The following KIAA0232 variants were observed in gnomAD, a reference collection of about 807,000 sequenced individuals.
KIAA0232 encodes the protein uncharacterized protein KIAA0232.
In KIAA0232, 27 loss-of-function variants were observed where a neutral mutation model predicts 122.0. The ratio of observed to expected loss-of-function variants is 0.22; its 90% CI spans 0.16 to 0.31. KIAA0232 has a LOEUF of 0.31. Among genes scored for constraint, KIAA0232 ranks in the 10% least tolerant of loss-of-function variants. KIAA0232 has a pLI of 1.00. For missense variants in KIAA0232, 1,551 were observed against 1,634.2 expected, an observed-to-expected ratio of 0.95 and a Z score of 0.88; for synonymous variants, 613 against 587.6, an observed-to-expected ratio of 1.04 and a Z score of -0.63.
chr4:6,872,955 T>G (rs550908093), intron 8 of KIAA0232, among the ~76,000 whole-genome samples: 1 of 152,346 alleles, frequency 6.6e-6, no homozygotes, highest in South Asian at 2.1e-4. Flanking sequence ...CCCAGGACCC[T>G]GCCTTCCTCC....
intron 1 of KIAA0232, among the ~76,000 whole-genome samples, chr4:6,784,467 T>A (rs1716522490): frequency 6.6e-6 from 1 of 152,166 alleles, no homozygotes; most frequent in Non-Finnish European, 1.5e-5. Context: ...TCTATCACTC[T>A]GCATCCTCAA....
At chr4:6,808,410 A>G (rs957478601) in intron 2 of KIAA0232, among the ~76,000 whole-genome samples, 13 of 149,966 alleles carry the variant, frequency 8.7e-5, no homozygotes, top group Non-Finnish European at 1.8e-4. Flanking sequence ...GTGAGTATGA[A>G]CTTTGTAGTG....
At chr4:6,810,171 C>T (rs1717812877) in intron 2 of KIAA0232, among the ~76,000 whole-genome samples, 1 of 152,192 alleles carries the variant, frequency 6.6e-6, no homozygotes, top group Non-Finnish European at 1.5e-5. Context: ...TACCTGACTT[C>T]AAATTATATT....
At position 6,871,702 on chromosome 4, in the gene KIAA0232, T is replaced by C. The variant is rs771109768; in HGVS notation, c.3910+20T>C. On this transcript the variant is annotated intron_variant, in intron 8 of 9. Transcript: ENST00000307659. ...GTGAAGGTAAGGAGACCTTTGTTAG[T>C]TCATTTATTCATTGCAATTTGTAAT... 5 of 1,302,498 alleles carry C rather than the reference T, an allele frequency of 3.8e-6. No homozygotes were observed. In the South Asian group the frequency reaches 4.9e-5, roughly 13 times the overall value. 80.7% of individuals were successfully genotyped at this position (1,302,498 alleles called of 1,614,324 possible). A position where few individuals can be genotyped will look rare whatever the true frequency, so the allele number is the denominator to read the frequency against.
chr4:6,804,348 C>G lies in KIAA0232; in HGVS notation c.-353-175C>G, dbSNP rs982350571. Among the ~76,000 whole-genome samples, 45 of 152,148 alleles carry G rather than the reference C, an allele frequency of 3.0e-4. 1 individual carries two copies. Among genetic ancestry groups the G allele is most frequent in the Non-Finnish European group, 4.1e-4 (28 of 68,020 alleles). On this transcript the variant is annotated intron_variant, in intron 1 of 9. Coordinates refer to ENST00000307659, the MANE Select transcript of KIAA0232 (RefSeq NM_014743.3). The stretch of plus-strand genomic sequence containing the variant: ...GCCATCCTCAGTTTAGAGCCACTGA[C>G]CAGTTGCGTTCATTACCTAGTGGAA...
chr4:6,824,619 A>G lies in KIAA0232; in HGVS notation c.166A>G (p.Ile56Val), dbSNP rs2109034857. ...ELEKCGIDAM[I>V]YTRYVLSLLL... ...CGAGAAATGTGGCATTGATGCCATG[A>G]TTTACACTCGGTATGTCCTCAGTCT... The change falls in exon 3 of 10, where the codon ATT (isoleucine) becomes GTT (valine). Residue 56 changes from isoleucine to valine, a missense_variant. Physicochemically the swap from Ile to Val is conservative, Grantham distance 29. Around this residue, in one of 5 missense-constraint regions of KIAA0232, gnomAD observed 26 missense variants for 52.2 expected, o/e 0.50. Transcript: ENST00000307659. The G allele has an allele frequency of 6.2e-7, 1 of 1,614,180 alleles. No individual in the cohort carries two copies. The highest frequency in any genetic ancestry group is 2.2e-5 in the East Asian group (1 of 44,884).
chr4:6,818,096 G>A (rs944800222), intron 2 of KIAA0232, among the ~76,000 whole-genome samples: 2 of 151,972 alleles, frequency 1.3e-5, no homozygotes, highest in African/African-American at 2.4e-5. Context: ...TTCAAACCAA[G>A]AACCAAATCA....
intron 1 of KIAA0232, among the ~76,000 whole-genome samples, chr4:6,785,857 G>A (rs909073175): frequency 6.6e-6 from 1 of 152,166 alleles, no homozygotes; most frequent in African/African-American, 2.4e-5. Context: ...AAACAAGACT[G>A]CTCTTGGTTC....
chr4:6,784,684 G>T (rs1210789338), intron 1 of KIAA0232, among the ~76,000 whole-genome samples: 3 of 152,112 alleles, frequency 2.0e-5, no homozygotes, highest in Admixed American at 1.3e-4. Context: ...TCAAAAAGTG[G>T]TTTACAGCTT....
intron 1 of KIAA0232, among the ~76,000 whole-genome samples, chr4:6,787,354 G>T (rs1299141504): frequency 6.6e-6 from 1 of 152,136 alleles, no homozygotes; most frequent in East Asian, 1.9e-4. Context: ...AAAGACTCAG[G>T]TTTGCTTCTT....
chr4:6,783,080 G>C (rs550057287), intron 1 of KIAA0232, among the ~76,000 whole-genome samples: 21 of 151,584 alleles, frequency 1.4e-4, no homozygotes, highest in Admixed American at 4.6e-4. Context: ...GCCTGAGGGA[G>C]ACCGGGCCGC....
chr4:6,852,968 A>G (rs1415006456), intron 4 of KIAA0232, among the ~76,000 whole-genome samples: 1 of 152,216 alleles, frequency 6.6e-6, no homozygotes, highest in East Asian at 1.9e-4. Context: ...AGGGAGGCAC[A>G]GTTCATTGGG....
Position 6,855,510 on chromosome 4 carries a change from T to G in KIAA0232, c.370-1654T>G, listed in dbSNP as rs1202534944. Among the ~76,000 whole-genome samples, 1 of 151,896 alleles carries G rather than the reference T, an allele frequency of 6.6e-6. No homozygotes were observed. The highest frequency in any genetic ancestry group is 1.5e-5 in the Non-Finnish European group (1 of 67,976). On this transcript the variant is annotated intron_variant, in intron 4 of 9. Transcript: ENST00000307659. The surrounding 1 kb of genome is among the most constrained non-coding windows in gnomAD (Gnocchi z 4.3). ...AAGCTCTTATTTTGCTGTTTAAACA[T>G]GAGAGCAAAAAAAATATATGTTTAT...
Position 6,864,194 on chromosome 4 carries a change from G to A in KIAA0232, c.3801+11G>A, listed in dbSNP as rs372993911. 2.1e-5 allele frequency: 34 copies of A among 1,589,260 alleles called. No individual in the cohort carries two copies. In the African/African-American group the frequency reaches 4.5e-4, roughly 21 times the overall value. ...GGACAGCTGGAAGAGGTATGTGTCTGCGTGTTGGTATTTGACAAAAGGATT... is the reference window on the plus strand; with the variant it reads ...GGACAGCTGGAAGAGGTATGTGTCTACGTGTTGGTATTTGACAAAAGGATT... On this transcript the variant is annotated intron_variant, in intron 7 of 9. Coordinates refer to ENST00000307659, the MANE Select transcript of KIAA0232 (RefSeq NM_014743.3).
At chr4:6,858,586 G>A in intron 6 of KIAA0232, 80 bp downstream of exon 6, 1 of 886,948 alleles carries the variant, frequency 1.1e-6, no homozygotes, top group Non-Finnish European at 1.7e-6. Flanking sequence ...TCCGTTTTCT[G>A]TTTGTCATCT....
chr4:6,850,672 CTTT>C (rs373194091), intron 4 of KIAA0232, among the ~76,000 whole-genome samples: 4 of 139,884 alleles, frequency 2.9e-5, no homozygotes, highest in Non-Finnish European at 3.1e-5. Context: ...AAGGAACATT[CTTT>C]TTTTTTTTTT....
At chr4:6,799,176 G>A (rs755626318) in intron 1 of KIAA0232, among the ~76,000 whole-genome samples, 5 of 151,360 alleles carry the variant, frequency 3.3e-5, no homozygotes, top group Non-Finnish European at 5.9e-5. Context: ...TGCAGTCTCC[G>A]CATCTGTCTT....
At chr4:6,849,150 GAC>G (rs1451566760) in intron 4 of KIAA0232, among the ~76,000 whole-genome samples, 2 of 152,224 alleles carry the variant, frequency 1.3e-5, no homozygotes, top group African/African-American at 4.8e-5. Flanking sequence ...GTGCTGGAGG[GAC>G]AGAGGGCAGA....
At chr4:6,829,685 T>G (rs945782673) in intron 3 of KIAA0232, among the ~76,000 whole-genome samples, 1 of 152,242 alleles carries the variant, frequency 6.6e-6, no homozygotes, top group African/African-American at 2.4e-5. Flanking sequence ...ACATTAAGCT[T>G]AGATCCTGTA....
Sources: gnomAD v4.1 joint callset for allele counts (sites outside exome capture counted in the v4.1 genomes callset) on GRCh38, gnomAD v4.1.1 for gene constraint, gnomAD v4.1.1 regional missense constraint, Gnocchi (gnomAD v3.1) non-coding constraint, MANE v1.5 for transcripts, NCBI Gene and HGNC (gene_info 2026-07-23, HGNC 2026-07-21) for gene names.